The following TDRD5 variants were observed in gnomAD, a reference collection of about 807,000 sequenced individuals.
TDRD5 encodes the protein tudor domain containing 5.
A neutral mutation model predicts 120.6 loss-of-function variants in TDRD5; 41 were observed. The ratio of observed to expected loss-of-function variants is 0.34; its 90% CI spans 0.26 to 0.44. The LOEUF is 0.44. Among genes scored for constraint, TDRD5 ranks in the 20% least tolerant of loss-of-function variants. TDRD5 has a pLI of 1.00. For missense variants in TDRD5, 1,006 were observed against 1,221.2 expected, an observed-to-expected ratio of 0.82 and a Z score of 2.63; for synonymous variants, 430 against 433.7, an observed-to-expected ratio of 0.99 and a Z score of 0.11.
intron 17 of TDRD5, among the ~76,000 whole-genome samples, chr1:179,680,514 A>G (rs1680365590): frequency 6.6e-6 from 1 of 152,190 alleles, no homozygotes; most frequent in African/African-American, 2.4e-5. Flanking sequence ...TCCATTTATC[A>G]TTATTAATTT....
At chr1:179,628,324 C>CTTTTTTTTTTTTTTT (rs71569258) in intron 6 of TDRD5, among the ~76,000 whole-genome samples, 9 of 54,598 alleles carry the variant, frequency 1.6e-4, no homozygotes, top group Admixed American at 2.5e-4. Context: ...CTTTTCTTTT[C>CTTTTTTTTTTTTTTT]TTTTTTTTTT....
intron 4 of TDRD5, among the ~76,000 whole-genome samples, chr1:179,604,969 G>A (rs1675897873): frequency 6.6e-6 from 1 of 152,098 alleles, no homozygotes; most frequent in African/African-American, 2.4e-5. Flanking sequence ...TGTCAGTGGA[G>A]TATTGAGGTC....
intron 11 of TDRD5, 66 bp from the exon 12 acceptor site, chr1:179,650,800 TG>T: frequency 6.7e-7 from 1 of 1,502,412 alleles, no homozygotes; most frequent in African/African-American, 1.4e-5. Flanking sequence ...AATTCATTGT[TG>T]TATATGGTTA....
chr1:179,659,596 C>T (rs11809422), intron 14 of TDRD5, among the ~76,000 whole-genome samples: 7,138 of 147,908 alleles, frequency 0.048, 262 homozygotes, highest in Non-Finnish European at 0.07. Context: ...TGTGTGCGCG[C>T]GCTTGCCTGG....
intron 12 of TDRD5, among the ~76,000 whole-genome samples, 157 bp from the exon 13 acceptor site, chr1:179,651,882 C>T (rs1051133787): frequency 1.3e-5 from 2 of 152,196 alleles, no homozygotes; most frequent in Non-Finnish European, 2.9e-5. Context: ...CACTGCACTC[C>T]AGCCTGGGCA....
intron 17 of TDRD5, among the ~76,000 whole-genome samples, chr1:179,686,250 G>A (rs1015157830): frequency 4.6e-5 from 7 of 152,160 alleles, no homozygotes; most frequent in Non-Finnish European, 7.3e-5. Context: ...TTTTTAGCAT[G>A]AAGGGCTGTT....
intron 17 of TDRD5, among the ~76,000 whole-genome samples, chr1:179,682,382 T>G (rs1680469661): frequency 6.6e-6 from 1 of 152,146 alleles, no homozygotes; most frequent in African/African-American, 2.4e-5. Flanking sequence ...GTCTTAATGC[T>G]ATCCCTTCCC....
chr1:179,614,038 A>T (rs1215505738), intron 4 of TDRD5, among the ~76,000 whole-genome samples: 2 of 152,192 alleles, frequency 1.3e-5, no homozygotes, highest in South Asian at 4.1e-4. Context: ...AAGTGCTTTC[A>T]TCATTAGATA....
intron 11 of TDRD5, among the ~76,000 whole-genome samples, chr1:179,647,473 C>T (rs1339030736): frequency 2.6e-5 from 4 of 152,052 alleles, no homozygotes; most frequent in East Asian, 1.9e-4. Flanking sequence ...AAGACTTAAA[C>T]GTTAGACCTA....
At chr1:179,659,565 G>A (rs1329180139) in intron 14 of TDRD5, among the ~76,000 whole-genome samples, 2 of 136,046 alleles carry the variant, frequency 1.5e-5, no homozygotes, top group African/African-American at 5.3e-5. Flanking sequence ...GTGTGTGTGT[G>A]TGTGTGTGTG....
chr1:179,643,743 A>G (rs557962459), intron 11 of TDRD5, among the ~76,000 whole-genome samples: 27 of 152,268 alleles, frequency 1.8e-4, no homozygotes, highest in African/African-American at 6.5e-4. Flanking sequence ...ATGTAATTGG[A>G]GTCCCAGAAA....
intron 6 of TDRD5, among the ~76,000 whole-genome samples, chr1:179,621,980 G>GT (rs1338632189): frequency 6.6e-6 from 1 of 152,228 alleles, no homozygotes; most frequent in Middle Eastern, 3.4e-3. Context: ...ATATTTATAG[G>GT]TAAAAACATA....
intron 17 of TDRD5, among the ~76,000 whole-genome samples, chr1:179,687,368 A>C (rs972155311): frequency 6.6e-6 from 1 of 152,180 alleles, no homozygotes; most frequent in Non-Finnish European, 1.5e-5. Flanking sequence ...TGAGTTTCTT[A>C]ATCCTGAGTT....
At chr1:179,620,669 T>A (rs1676792642) in intron 5 of TDRD5, among the ~76,000 whole-genome samples, 1 of 152,162 alleles carries the variant, frequency 6.6e-6, no homozygotes, top group African/African-American at 2.4e-5. Flanking sequence ...TTTTTTCTAA[T>A]GTTTATTGCA....
rs1432313772 is a variant in TDRD5, at chr1:179,655,247, C to T, written c.2322+885C>T. Among the ~76,000 whole-genome samples the T allele has an allele frequency of 2.6e-5, 4 of 152,238 alleles. No individual in the cohort carries two copies. In the East Asian group the frequency reaches 7.7e-4, roughly 29 times the overall value. ...TAGTTCTCTTTCATCGCCTTACCAC[C>T]ACCACACACAAACATAACCTTTTTG... On this transcript the variant is annotated intron_variant, in intron 14 of 17. Transcript: ENST00000444136.
rs753036044 is a variant in TDRD5 at position 179,592,632 on chromosome 1, G to A, written c.17G>A (p.Arg6His). ...TAGGGCACAATGTCTGAACAAGAGC[G>A]TATACAGGAATGTCTGCGGAAGGAA... MSEQE[R>H]IQECLRKEIR... The change falls in exon 2 of 18, where the codon CGT becomes CAT. Residue 6 changes from arginine to histidine, a missense_variant. Arg to His is a conservative substitution (Grantham distance 29, BLOSUM62 0). Transcript: ENST00000444136. 3.1e-6 allele frequency: 5 copies of A among 1,613,940 alleles called. No homozygotes were observed. Among genetic ancestry groups the A allele is most frequent in the East Asian group, 4.5e-5 (2 of 44,868 alleles).
rs369204787 is a variant in TDRD5 at position 179,593,850 on chromosome 1, C to G, written c.623C>G (p.Pro208Arg). The part of the protein sequence containing the change: ...MLKKSVTEEK[P>R]RGCPAGKIFT... ...AAGAAGAGTGTAACAGAGGAAAAGC[C>G]GAGAGGATGTCCAGCAGGTACGCAT... is the stretch of plus-strand genomic sequence containing the variant. Residue 208 changes from proline to arginine, a missense_variant, in exon 3 of 18, where the codon CCG becomes CGG. Pro to Arg is a moderately radical substitution (Grantham distance 103, BLOSUM62 -2). Transcript: ENST00000444136. The G allele has an allele frequency of 5.6e-6, 9 of 1,612,932 alleles. No homozygotes were observed. The highest frequency in any genetic ancestry group is 7.6e-6 in the Non-Finnish European group (9 of 1,179,180).
intron 11 of TDRD5, among the ~76,000 whole-genome samples, chr1:179,645,070 A>ATT (rs1678267390): frequency 9.7e-6 from 1 of 103,312 alleles, no homozygotes; most frequent in African/African-American, 3.6e-5. Flanking sequence ...GTTTATAAAC[A>ATT]TTTTTCTTTT....
intron 2 of TDRD5, among the ~76,000 whole-genome samples, chr1:179,593,193 C>A (rs959480105): frequency 3.9e-5 from 6 of 152,136 alleles, no homozygotes; most frequent in South Asian, 2.1e-4. Flanking sequence ...GGGAAGTTTG[C>A]AGTTCATCCC....
Sources: allele counts gnomAD v4.1 joint callset (sites outside exome capture counted in the v4.1 genomes callset), GRCh38; gene constraint gnomAD v4.1.1; transcripts MANE v1.5; gene names NCBI Gene and HGNC (gene_info 2026-07-23, HGNC 2026-07-21).